Variants in DPP6 observed in about 807,000 individuals in gnomAD.
DPP6 encodes the protein dipeptidyl peptidase like 6, also known as A-type potassium channel modulatory protein DPP6.
In DPP6, 69 loss-of-function variants were observed where a neutral mutation model predicts 122.6. That is an observed-to-expected ratio of 0.56 (90% CI 0.46 to 0.69). The LOEUF is 0.69. Ranked by LOEUF, DPP6 falls within the 30% of genes least tolerant of loss-of-function variation. The pLI, the probability that DPP6 is intolerant of heterozygous loss-of-function variation, is 0.00. For missense variants in DPP6, 928 were observed against 1,116.9 expected (o/e 0.83, Z 2.41); for synonymous variants, 418 against 433.1 (o/e 0.97, Z 0.43).
intron 1 of DPP6, among the ~76,000 whole-genome samples, chr7:154,416,191 T>A (rs1816999512): frequency 6.6e-6 from 1 of 152,156 alleles, no homozygotes; most frequent in Non-Finnish European, 1.5e-5. Flanking sequence ...GTGTCCAGCA[T>A]CTCAGGCTGT....
intron 4 of DPP6, among the ~76,000 whole-genome samples, chr7:154,565,253 A>G (rs1048824499): frequency 4.6e-5 from 7 of 152,224 alleles, no homozygotes; most frequent in African/African-American, 1.4e-4. Flanking sequence ...AGTCTCTCCT[A>G]GAAGCAATGG....
At chr7:154,176,122 A>G (rs184749952) in intron 1 of DPP6, among the ~76,000 whole-genome samples, 239 of 152,356 alleles carry the variant, frequency 1.6e-3, no homozygotes, top group African/African-American at 5.5e-3. Flanking sequence ...AATATGGGAC[A>G]AGATTTCTTC....
rs552525660 is a variant in DPP6 at position 154,875,251 on chromosome 7, G to A, written c.1884-655G>A. Among the ~76,000 whole-genome samples, 2 of 152,316 alleles carry A rather than the reference G, an allele frequency of 1.3e-5. No individual in the cohort carries two copies. Among genetic ancestry groups the A allele is most frequent in the South Asian group, 4.1e-4 (2 of 4,824 alleles). ...ACTGGTCGAATCCCATGGTCCAAAT[G>A]CCCCACCATGGATGCCTTTCAGCCA... On this transcript the variant is annotated intron_variant, in intron 19 of 25. Transcript: ENST00000377770. This position sits in a 1 kb window ranked among gnomAD's most constrained non-coding sequence, Gnocchi z 4.5.
At chr7:154,639,517 T>C (rs1322823554) in intron 6 of DPP6, among the ~76,000 whole-genome samples, 1 of 152,216 alleles carries the variant, frequency 6.6e-6, no homozygotes, top group African/African-American at 2.4e-5. Context: ...CTTATATCAA[T>C]TTGTAAAACT....
At chr7:154,011,979 A>AGGTGTTTTG (rs1798173993) in intron 1 of DPP6, among the ~76,000 whole-genome samples, 1 of 152,206 alleles carries the variant, frequency 6.6e-6, no homozygotes, top group Admixed American at 6.5e-5. Flanking sequence ...ATAGAACAAT[A>AGGTGTTTTG]ACAATGTCAA....
intron 1 of DPP6, among the ~76,000 whole-genome samples, chr7:154,152,759 G>A (rs1796486676): frequency 1.3e-5 from 2 of 152,168 alleles, no homozygotes; most frequent in Non-Finnish European, 2.9e-5. Context: ...AGAGGATGGG[G>A]GACTCTGTAG....
intron 1 of DPP6, among the ~76,000 whole-genome samples, chr7:154,208,424 G>T (rs965982373): frequency 6.6e-6 from 1 of 152,230 alleles, no homozygotes; most frequent in African/African-American, 2.4e-5. Context: ...GACAGCCAGG[G>T]CTTCGCAAGG....
At chr7:154,086,585 A>G (rs1487798461) in intron 1 of DPP6, among the ~76,000 whole-genome samples, 1 of 149,088 alleles carries the variant, frequency 6.7e-6, no homozygotes, top group Non-Finnish European at 1.5e-5. Flanking sequence ...AGTTCTGCAG[A>G]TATACAGTGA....
chr7:154,803,750 ACAGAGAGAATGG>A, intron 13 of DPP6, 102 bp from the exon 14 acceptor site: 1 of 1,443,146 alleles, frequency 6.9e-7, no homozygotes, highest in South Asian at 1.4e-5. Flanking sequence ...AGCCCTTCCC[ACAGAGAGAATGG>A]CAGCCCCTGT....
chr7:154,620,671 A>G (rs74968617), intron 5 of DPP6, among the ~76,000 whole-genome samples: 14,994 of 152,268 alleles, frequency 0.098, 1,051 homozygotes, highest in Middle Eastern at 0.23. Flanking sequence ...AGTCCTCTCT[A>G]TAGCAGAGGT....
intron 1 of DPP6, among the ~76,000 whole-genome samples, chr7:154,150,914 C>G (rs1317236571): frequency 6.6e-6 from 1 of 152,202 alleles, no homozygotes; most frequent in African/African-American, 2.4e-5. Context: ...TCTTAAAGGC[C>G]AGGAGAGAGG....
intron 1 of DPP6, among the ~76,000 whole-genome samples, chr7:154,175,520 C>A (rs1033777268): frequency 6.6e-5 from 10 of 152,060 alleles, no homozygotes; most frequent in African/African-American, 1.7e-4. Flanking sequence ...CTTTGATCTG[C>A]ACCGCCCCAC....
chr7:154,013,953 C>T (rs1347129515), intron 1 of DPP6, among the ~76,000 whole-genome samples: 1 of 151,578 alleles, frequency 6.6e-6, no homozygotes, highest in Non-Finnish European at 1.5e-5. Flanking sequence ...CTTCTTTCCT[C>T]TCTCCCCTTT....
intron 1 of DPP6, among the ~76,000 whole-genome samples, chr7:154,073,545 C>T (rs577091859): frequency 4.6e-4 from 70 of 152,338 alleles, no homozygotes; most frequent in African/African-American, 1.7e-3. Flanking sequence ...AGGACGAGTA[C>T]TTTTCTATAC....
chr7:153,813,435 C>T, the DPP6 span, among the ~76,000 whole-genome samples: 121 of 151,924 alleles, frequency 8.0e-4, no homozygotes, highest in Middle Eastern at 3.4e-3. Flanking sequence ...TTGTTGGACA[C>T]TTGGGTTGGT....
chr7:154,629,370 C>T lies in DPP6; in HGVS notation c.628-8451C>T, dbSNP rs190188934. Among the ~76,000 whole-genome samples, 90 of 152,100 alleles carry T rather than the reference C, an allele frequency of 5.9e-4. 1 individual carries two copies. The highest frequency in any genetic ancestry group is 6.0e-4 in the Non-Finnish European group (41 of 68,012). Reference sequence around the variant, plus strand: ...GGTTTTACTTTTTTTCCCTTCTCACCCCTGACATCTCATGCAGATAACTTT... The same window carrying T: ...GGTTTTACTTTTTTTCCCTTCTCACTCCTGACATCTCATGCAGATAACTTT... On this transcript the variant is annotated intron_variant, in intron 5 of 25. Coordinates refer to ENST00000377770, the MANE Select transcript of DPP6 (RefSeq NM_130797.4).
chr7:154,541,362 T>G (rs1172747976), intron 4 of DPP6, among the ~76,000 whole-genome samples: 1 of 152,160 alleles, frequency 6.6e-6, no homozygotes. Flanking sequence ...CTTGAACTCC[T>G]GTACTCAAGC....
intron 1 of DPP6, among the ~76,000 whole-genome samples, chr7:154,063,615 C>A: frequency 7.6e-6 from 1 of 131,520 alleles, no homozygotes. Context: ...GGAGGCACCC[C>A]CCACGAGGCA....
chr7:154,829,003 A>T (rs905568214), intron 16 of DPP6, among the ~76,000 whole-genome samples: 3 of 152,330 alleles, frequency 2.0e-5, no homozygotes, highest in African/African-American at 7.2e-5. Flanking sequence ...AGATAATTGT[A>T]TTTTGAAATG....
Sources: gnomAD v4.1 joint callset for allele counts (sites outside exome capture counted in the v4.1 genomes callset) on GRCh38, gnomAD v4.1.1 for gene constraint, Gnocchi (gnomAD v3.1) non-coding constraint, MANE v1.5 for transcripts, NCBI Gene and HGNC (gene_info 2026-07-23, HGNC 2026-07-21) for gene names.